Variants in TTC28 observed in about 807,000 individuals in gnomAD.
The protein encoded by TTC28 is tetratricopeptide repeat domain 28.
TTC28 carries 61 observed loss-of-function variants against 198.0 expected under a neutral mutation model. The observed-to-expected ratio is 0.31, with a 90% CI of 0.25 to 0.38. TTC28 has a LOEUF of 0.38. TTC28 is among the 10% of genes least tolerant of loss of function. The pLI, the probability that TTC28 is intolerant of heterozygous loss-of-function variation, is 1.00. For synonymous variants in TTC28, 1,171 were observed against 1,297.8 expected (o/e 0.90, Z 2.10); for missense variants, 2,678 against 3,164.0 (o/e 0.85, Z 3.69).
At chr22:28,068,399 T>C (rs1187835428) in intron 12 of TTC28, among the ~76,000 whole-genome samples, 1 of 152,188 alleles carries the variant, frequency 6.6e-6, no homozygotes, top group Non-Finnish European at 1.5e-5. Context: ...AGGTACTATG[T>C]GCAAAAACGC....
chr22:28,638,669 A>G (rs2051313667), intron 1 of TTC28, among the ~76,000 whole-genome samples: 2 of 152,216 alleles, frequency 1.3e-5, no homozygotes, highest in African/African-American at 4.8e-5. Context: ...AAGGAACTCC[A>G]TGTGGCTTTT....
intron 5 of TTC28, among the ~76,000 whole-genome samples, chr22:28,271,892 C>A (rs1377406112): frequency 1.3e-5 from 2 of 151,858 alleles, no homozygotes; most frequent in Non-Finnish European, 2.9e-5. Context: ...CGTGAGCCAC[C>A]GTGCCTGGCT....
chr22:28,644,722 C>T lies in TTC28; in HGVS notation c.103-14892G>A, dbSNP rs1041493271. Among the ~76,000 whole-genome samples the T allele has an allele frequency of 2.6e-5, 4 of 151,810 alleles. No individual in the cohort carries two copies. The South Asian group carries it at 6.2e-4, about 24-fold the overall frequency. On this transcript the variant is annotated intron_variant, in intron 1 of 22. Transcript: ENST00000397906. ...CCTGTAGTCCCAGCTACTTGGGAGG[C>T]TGAGGTGGGAGGATTGCCTGAGCCC...
chr22:28,423,124 G>A (rs1027810803), intron 2 of TTC28, among the ~76,000 whole-genome samples: 1 of 152,154 alleles, frequency 6.6e-6, no homozygotes, highest in African/African-American at 2.4e-5. Flanking sequence ...GGGCACCGTG[G>A]CTCACACTCA....
intron 6 of TTC28, among the ~76,000 whole-genome samples, chr22:28,121,128 G>A (rs1481261118): frequency 6.6e-6 from 1 of 152,150 alleles, no homozygotes; most frequent in Non-Finnish European, 1.5e-5. Flanking sequence ...GCTCACTTAT[G>A]CACATCACAG....
chr22:28,030,460 C>A (rs752171603), intron 12 of TTC28, 94 bp from the exon 13 acceptor site: 3 of 1,474,564 alleles, frequency 2.0e-6, no homozygotes, highest in African/African-American at 1.4e-5. Flanking sequence ...TGTCACCAAA[C>A]GAACCTCTAG....
intron 2 of TTC28, among the ~76,000 whole-genome samples, chr22:28,413,596 G>A (rs1237357501): frequency 1.3e-5 from 2 of 152,118 alleles, no homozygotes; most frequent in Non-Finnish European, 2.9e-5. Flanking sequence ...CAGGGGTTAA[G>A]GGGAATTAAT....
chr22:28,191,996 G>C (rs534969754), intron 5 of TTC28, among the ~76,000 whole-genome samples: 8 of 152,312 alleles, frequency 5.3e-5, no homozygotes, highest in South Asian at 2.1e-4. Context: ...GCCTCCTCAG[G>C]TGGGTCCCTG....
At chr22:28,522,989 CAT>C (rs2048937973) in intron 2 of TTC28, among the ~76,000 whole-genome samples, 1 of 151,872 alleles carries the variant, frequency 6.6e-6, no homozygotes, top group African/African-American at 2.4e-5. Flanking sequence ...TCCATGAATA[CAT>C]AAAAAAATCA....
At chr22:28,190,683 T>A (rs1389228919) in intron 5 of TTC28, among the ~76,000 whole-genome samples, 1 of 152,210 alleles carries the variant, frequency 6.6e-6, no homozygotes, top group African/African-American at 2.4e-5. Flanking sequence ...TATTCCCACA[T>A]AGGAAAAGCC....
chr22:28,181,159 A>G (rs890398592), intron 5 of TTC28, among the ~76,000 whole-genome samples: 3 of 152,196 alleles, frequency 2.0e-5, no homozygotes, highest in Admixed American at 1.3e-4. Flanking sequence ...ATTTTTATCA[A>G]AATTATATTA....
intron 12 of TTC28, among the ~76,000 whole-genome samples, chr22:28,074,752 C>T (rs738473): frequency 0.015 from 2,358 of 152,276 alleles, 46 homozygotes; most frequent in East Asian, 0.07. Context: ...ATTATCCCCC[C>T]CCATGTACAA....
chr22:28,590,291 A>C (rs868142442), intron 2 of TTC28, among the ~76,000 whole-genome samples: 11 of 151,390 alleles, frequency 7.3e-5, no homozygotes, highest in African/African-American at 2.2e-4. Flanking sequence ...CCACACCCAG[A>C]TAATTTTTTT....
chr22:28,548,671 G>C (rs1182837085), intron 2 of TTC28, among the ~76,000 whole-genome samples: 1 of 152,154 alleles, frequency 6.6e-6, no homozygotes. Context: ...TCAGTTTGGT[G>C]GTGAATGGTA....
rs929653182 is a variant in TTC28 at position 28,463,938 on chromosome 22, A to T, written c.382-157295T>A. 5.4e-4 allele frequency among the ~76,000 whole-genome samples: 82 copies of T among 151,996 alleles called. 1 individual carries two copies. The highest frequency in any genetic ancestry group is 1.8e-3 in the Admixed American group (27 of 15,294). Reference sequence around the variant, plus strand: ...AAACTATATATATATTTAAAAAAATAAAAATTAAAATAAAAGAAATTGCAA... The same window carrying T: ...AAACTATATATATATTTAAAAAAATTAAAATTAAAATAAAAGAAATTGCAA... On this transcript the variant is annotated intron_variant, in intron 2 of 22. Coordinates refer to ENST00000397906, the MANE Select transcript of TTC28 (RefSeq NM_001145418.2).
At chr22:28,001,275 C>A in intron 15 of TTC28, 99 bp downstream of exon 15, 1 of 1,399,682 alleles carries the variant, frequency 7.1e-7, no homozygotes, top group Non-Finnish European at 9.6e-7. Context: ...GAGGAGATCA[C>A]AGCTATGCCT....
At chr22:28,397,610 G>A (rs975965543) in intron 2 of TTC28, among the ~76,000 whole-genome samples, 3 of 152,104 alleles carry the variant, frequency 2.0e-5, no homozygotes, top group Non-Finnish European at 4.4e-5. Flanking sequence ...TCTGTAATTC[G>A]ACTGAACCAT....
chr22:28,372,696 T>C (rs1032212293), intron 2 of TTC28, among the ~76,000 whole-genome samples: 2 of 152,164 alleles, frequency 1.3e-5, no homozygotes, highest in Non-Finnish European at 2.9e-5. Flanking sequence ...TCCTTCTCCT[T>C]TCTTCTCAAT....
intron 2 of TTC28, among the ~76,000 whole-genome samples, chr22:28,315,091 C>T (rs2045331723): frequency 6.6e-6 from 1 of 152,136 alleles, no homozygotes; most frequent in African/African-American, 2.4e-5. Context: ...CAAGTTAGAT[C>T]AGATAAACAC....
Sources: gnomAD v4.1 joint callset for allele counts (sites outside exome capture counted in the v4.1 genomes callset) on GRCh38, gnomAD v4.1.1 for gene constraint, MANE v1.5 for transcripts, NCBI Gene and HGNC (gene_info 2026-07-23, HGNC 2026-07-21) for gene names.